Variants in EVI5 observed in about 807,000 individuals in gnomAD.
The protein encoded by EVI5 is ecotropic viral integration site 5.
In EVI5, 73 loss-of-function variants were observed where a neutral mutation model predicts 112.0. That is an observed-to-expected ratio of 0.65 (90% CI 0.54 to 0.79). The LOEUF is 0.79. EVI5 is among the 30% of genes least tolerant of loss of function. The pLI, the probability that EVI5 is intolerant of heterozygous loss-of-function variation, is 0.00. For missense variants in EVI5, 900 were observed against 968.8 expected (o/e 0.93, Z 0.94); for synonymous variants, 305 against 319.9 (o/e 0.95, Z 0.50).
chr1:92,788,440 C>G (rs1463502766), upstream of EVI5, among the ~76,000 whole-genome samples: 2 of 151,370 alleles, frequency 1.3e-5, no homozygotes, highest in Non-Finnish European at 2.9e-5. Flanking sequence ...CACCATTGCA[C>G]TCCAGCCTAG....
intron 10 of EVI5, among the ~76,000 whole-genome samples, chr1:92,669,539 C>T (rs1482923606): frequency 1.2e-4 from 1 of 8,014 alleles, no homozygotes; most frequent in Non-Finnish European, 1.9e-4. Flanking sequence ...CGGAGCAAGG[C>T]TCTGTCTCAA....
Position 92,734,474 on chromosome 1 carries a change from T to C in EVI5, c.149+1924A>G, listed in dbSNP as rs557408978. On this transcript the variant is annotated intron_variant, in intron 2 of 19. Coordinates refer to ENST00000684568, the MANE Select transcript of EVI5 (RefSeq NM_001350197.2). ...AAGCAGAACAGAAACTATTTCTTTTTCTTCTTTTTTTTTTGAGACGGAGTC... is the reference window on the plus strand; with the variant it reads ...AAGCAGAACAGAAACTATTTCTTTTCCTTCTTTTTTTTTTGAGACGGAGTC... 4.2e-4 allele frequency among the ~76,000 whole-genome samples: 13 copies of C among 30,914 alleles called. No homozygotes were observed. In the East Asian group the frequency reaches 0.022, roughly 52 times the overall value. 20.3% of individuals were successfully genotyped at this position (30,914 alleles called of 152,430 possible). A position where few individuals can be genotyped will look rare whatever the true frequency, so the allele number is the denominator to read the frequency against.
chr1:92,572,655 AATG>A (rs1670484411), intron 18 of EVI5, among the ~76,000 whole-genome samples: 1 of 152,082 alleles, frequency 6.6e-6, no homozygotes, highest in Admixed American at 6.6e-5. Context: ...ATAGGATTGG[AATG>A]ATACCACCCT....
At chr1:92,713,889 C>T (rs1412538314) in intron 2 of EVI5, 2 of 300,060 alleles carry the variant, frequency 6.7e-6, no homozygotes, top group Non-Finnish European at 9.8e-6. Flanking sequence ...ACAAATATGG[C>T]TGCAATGCCA....
rs532976510 is a variant in EVI5 at position 92,632,659 on chromosome 1, A to G, written c.1527+3543T>C. ...TCATTGATTTTTTGAAGGGCTTTTTATGTCTCTATTTCCTTCAGTTCTGCT... is the reference window on the plus strand; with the variant it reads ...TCATTGATTTTTTGAAGGGCTTTTTGTGTCTCTATTTCCTTCAGTTCTGCT... On this transcript the variant is annotated intron_variant, in intron 14 of 19. Coordinates refer to ENST00000684568, the MANE Select transcript of EVI5 (RefSeq NM_001350197.2). 3.7e-3 allele frequency among the ~76,000 whole-genome samples: 563 copies of G among 152,040 alleles called. 1 individual carries two copies. Among genetic ancestry groups the G allele is most frequent in the Non-Finnish European group, 5.7e-3 (387 of 67,980 alleles).
At chr1:92,581,886 A>C (rs1671993030) in intron 18 of EVI5, among the ~76,000 whole-genome samples, 1 of 152,142 alleles carries the variant, frequency 6.6e-6, no homozygotes, top group African/African-American at 2.4e-5. Context: ...CCCTCCTAAA[A>C]TTCATTCAGC....
intron 16 of EVI5, among the ~76,000 whole-genome samples, chr1:92,610,787 A>G (rs992043131): frequency 2.6e-5 from 4 of 152,146 alleles, no homozygotes; most frequent in African/African-American, 9.7e-5. Context: ...GCAGGATAAA[A>G]TAGAAAAAAA....
chr1:92,539,313 C>T (rs1571392060), intron 19 of EVI5, among the ~76,000 whole-genome samples: 1 of 152,034 alleles, frequency 6.6e-6, no homozygotes, highest in Admixed American at 6.6e-5. Flanking sequence ...GAGGCCGAGG[C>T]GGGCGGATCA....
At chr1:92,776,034 G>A (rs891269920) in intron 1 of EVI5, among the ~76,000 whole-genome samples, 4 of 151,852 alleles carry the variant, frequency 2.6e-5, no homozygotes, top group Middle Eastern at 3.4e-3. Flanking sequence ...CGTGAACCCG[G>A]GAGGCGGAGG....
chr1:92,716,905 A>G (rs1464216675), intron 2 of EVI5, among the ~76,000 whole-genome samples: 1 of 151,786 alleles, frequency 6.6e-6, no homozygotes, highest in Non-Finnish European at 1.5e-5. Flanking sequence ...CTCGCCAGCA[A>G]CGGAACAAAG....
intron 18 of EVI5, among the ~76,000 whole-genome samples, chr1:92,588,556 T>C (rs1282015905): frequency 6.6e-6 from 1 of 152,238 alleles, no homozygotes; most frequent in Non-Finnish European, 1.5e-5. Flanking sequence ...CAATATCTTC[T>C]CATTCTCACA....
chr1:92,582,311 G>C (rs1672070585), intron 18 of EVI5, among the ~76,000 whole-genome samples: 1 of 152,112 alleles, frequency 6.6e-6, no homozygotes, highest in Non-Finnish European at 1.5e-5. Flanking sequence ...TGGGGTGTGA[G>C]AGTTAATTTT....
intron 18 of EVI5, among the ~76,000 whole-genome samples, chr1:92,597,674 C>A (rs978039567): frequency 6.6e-6 from 1 of 152,168 alleles, no homozygotes; most frequent in Non-Finnish European, 1.5e-5. Context: ...GAATTATTGT[C>A]AAAATTCAAA....
rs117435302 is a variant in EVI5, at chr1:92,654,349, G to A, written c.1392+8370C>T. Among the ~76,000 whole-genome samples, 35 of 152,048 alleles carry A rather than the reference G, an allele frequency of 2.3e-4. No homozygotes were observed. The East Asian group carries it at 4.1e-3, about 18-fold the overall frequency. On this transcript the variant is annotated intron_variant, in intron 13 of 19. Transcript: ENST00000684568. ...ATGAGATAAGATTCTTGAGACTTCC[G>A]CCATCCCAGCCCTGCAGGAAGCTGT...
intron 19 of EVI5, among the ~76,000 whole-genome samples, chr1:92,537,902 G>GA (rs1311857090): frequency 6.6e-6 from 1 of 151,862 alleles, no homozygotes; most frequent in Admixed American, 6.6e-5. Context: ...AATTTAGAAT[G>GA]AAAAAATTGT....
chr1:92,717,298 G>A (rs913564793), intron 2 of EVI5, among the ~76,000 whole-genome samples: 11 of 152,176 alleles, frequency 7.2e-5, no homozygotes, highest in Admixed American at 3.3e-4. Context: ...CAGACAGAAA[G>A]GTCGGGTTAC....
In EVI5 at chr1:92,565,951, A is replaced by AAAAAAC. The variant is rs1384067162; in HGVS notation, c.2071-2215_2071-2214insGTTTTT. ...CGCCACTGCATTCCAGCCCGAGCAA[A>AAAAAAC]AAAAAAAAAAAAAAAAAGAAATGTT... On this transcript the variant is annotated intron_variant, in intron 18 of 19. Coordinates refer to ENST00000684568, the MANE Select transcript of EVI5 (RefSeq NM_001350197.2). 1.5e-4 allele frequency among the ~76,000 whole-genome samples: 21 copies of AAAAAAC among 144,538 alleles called. 1 individual carries two copies. Among genetic ancestry groups the AAAAAAC allele is most frequent in the African/African-American group, 5.1e-4 (19 of 37,536 alleles). 94.8% of individuals were successfully genotyped at this position (144,538 alleles called of 152,430 possible).
chr1:92,790,257 T>TA (rs1685989333), intron 1 of EVI5, among the ~76,000 whole-genome samples: 2 of 152,036 alleles, frequency 1.3e-5, no homozygotes, highest in Admixed American at 1.3e-4. Context: ...TGCAGTGAGT[T>TA]AAGATCACAC....
chr1:92,765,071 A>G (rs1247897928), intron 1 of EVI5, among the ~76,000 whole-genome samples: 1 of 152,198 alleles, frequency 6.6e-6, no homozygotes, highest in Non-Finnish European at 1.5e-5. Context: ...CCTCCATATT[A>G]ACATGAGAAA....
Sources: gnomAD v4.1 joint callset for allele counts (sites outside exome capture counted in the v4.1 genomes callset) on GRCh38, gnomAD v4.1.1 for gene constraint, MANE v1.5 for transcripts, NCBI Gene and HGNC (gene_info 2026-07-23, HGNC 2026-07-21) for gene names.